The following TET2 variants were observed in gnomAD, a reference collection of about 807,000 sequenced individuals.
TET2 encodes the protein tet methylcytosine dioxygenase 2.
A neutral mutation model predicts 142.9 loss-of-function variants in TET2; 299 were observed. The observed-to-expected ratio is 2.09, with a 90% CI of 1.90 to 2.30. The LOEUF (loss-of-function observed/expected upper bound fraction) is 2.30, where lower values mean the gene tolerates loss of function less well. Ranked by LOEUF, TET2 falls within the 30% of genes most tolerant of loss-of-function variation. The probability of loss-of-function intolerance (pLI) is 0.00; values close to 1 mark genes in which losing one functional copy is unlikely to be tolerated. For missense variants in TET2, 2,418 were observed against 2,378.0 expected, an observed-to-expected ratio of 1.02 and a Z score of -0.35; for synonymous variants, 819 against 849.0, an observed-to-expected ratio of 0.96 and a Z score of 0.61.
At chr4:105,222,305 G>A (rs1196578361) in intron 2 of TET2, among the ~76,000 whole-genome samples, 4 of 152,176 alleles carry the variant, frequency 2.6e-5, no homozygotes, top group South Asian at 2.1e-4. Context: ...CTTCCACAAT[G>A]GTTGAACTAG....
At chr4:105,160,950 A>G (rs762434063) in intron 1 of TET2, among the ~76,000 whole-genome samples, 1 of 152,000 alleles carries the variant, frequency 6.6e-6, no homozygotes, top group Admixed American at 6.6e-5. Context: ...TAATTTTTGT[A>G]TTTTTAGTAG....
chr4:105,185,085 C>G (rs1269383498), intron 1 of TET2, among the ~76,000 whole-genome samples: 1 of 152,066 alleles, frequency 6.6e-6, no homozygotes, highest in Non-Finnish European at 1.5e-5. Context: ...ATTTAAACCC[C>G]AAATGGAGGA....
intron 1 of TET2, among the ~76,000 whole-genome samples, chr4:105,156,029 C>T (rs1474894420): frequency 6.6e-6 from 1 of 152,112 alleles, no homozygotes; most frequent in Non-Finnish European, 1.5e-5. Context: ...TACTTGTCTT[C>T]ACTCTCTCTT....
chr4:105,202,134 A>G (rs1726517265), intron 2 of TET2, among the ~76,000 whole-genome samples: 1 of 152,144 alleles, frequency 6.6e-6, no homozygotes, highest in Non-Finnish European at 1.5e-5. Flanking sequence ...ACCCATCCTC[A>G]TCTTCTTCCT....
intron 1 of TET2, among the ~76,000 whole-genome samples, chr4:105,151,019 A>G (rs1723271491): frequency 6.6e-6 from 1 of 152,258 alleles, no homozygotes; most frequent in African/African-American, 2.4e-5. Flanking sequence ...TTGGTTGTCC[A>G]TTCCAAATAA....
At chr4:105,231,078 T>C (rs750320302) in intron 2 of TET2, among the ~76,000 whole-genome samples, 13 of 152,132 alleles carry the variant, frequency 8.5e-5, no homozygotes, top group Admixed American at 5.2e-4. Context: ...TTTATTCCAT[T>C]GATCATATTA....
chr4:105,221,668 T>C (rs1727826927), intron 2 of TET2, among the ~76,000 whole-genome samples: 1 of 152,146 alleles, frequency 6.6e-6, no homozygotes, highest in African/African-American at 2.4e-5. Context: ...CTGAGGACTT[T>C]GACATATTTG....
intron 3 of TET2, 117 bp from the exon 4 acceptor site, chr4:105,241,222 A>T (rs552453188): frequency 7.4e-7 from 1 of 1,345,086 alleles, no homozygotes; most frequent in South Asian, 2.3e-5. Context: ...AGAAAAAAAA[A>T]TTTTAAAGTC....
At chr4:105,245,590 A>G (rs1448199423) in intron 6 of TET2, among the ~76,000 whole-genome samples, 1 of 152,288 alleles carries the variant, frequency 6.6e-6, no homozygotes, top group South Asian at 2.1e-4. Context: ...TCGGCCTCCC[A>G]GAGTGCTGGG....
intron 1 of TET2, among the ~76,000 whole-genome samples, chr4:105,178,483 A>G (rs917407589): frequency 2.6e-5 from 4 of 152,222 alleles, no homozygotes; most frequent in Non-Finnish European, 2.9e-5. Flanking sequence ...ATGTAATACT[A>G]TAGTGGTGGA....
intron 8 of TET2, among the ~76,000 whole-genome samples, chr4:105,266,056 T>A (rs1477504638): frequency 6.6e-6 from 1 of 152,118 alleles, no homozygotes; most frequent in Non-Finnish European, 1.5e-5. Flanking sequence ...TGATCCAGTC[T>A]TCAGCTGAGT....
In TET2 at chr4:105,236,859, T is replaced by TAA; in HGVS notation, c.2917_2918insAA (p.Cys973Ter). 6.2e-7 allele frequency: 1 copy of TAA among 1,614,084 alleles called. No individual in the cohort carries two copies. The highest frequency in any genetic ancestry group is 8.5e-7 in the Non-Finnish European group (1 of 1,179,998). Residue 973 changes from cysteine to a stop codon, truncating the protein, a stop_gained and frameshift_variant, in exon 3 of 11, where the codon TGC becomes TAAGC. Transcript: ENST00000380013. LOFTEE classifies it high-confidence loss of function. ...QQTQQPQTESCHSQMHRPIKV... is the reference protein window; with the variant it reads ...QQTQQPQTES ...AACACAGCAACCCCAAACTGAGTCTTGCCATAGTCAGATGCACAGGCCAAT... is the reference window on the plus strand; with the variant it reads ...AACACAGCAACCCCAAACTGAGTCTTAAGCCATAGTCAGATGCACAGGCCAAT...
chr4:105,234,829 G>A lies in TET2; in HGVS notation c.887G>A (p.Cys296Tyr). 6.2e-7 allele frequency: 1 copy of A among 1,614,010 alleles called. No individual in the cohort carries two copies. Among genetic ancestry groups the A allele is most frequent in the South Asian group, 1.1e-5 (1 of 91,076 alleles). ...PKPAAVVSEA[C>Y]DADDADNASK... ...CCAGCTGCAGTGGTGAGTGAGGCCT[G>A]TGATGCTGATGATGCTGATAATGCC... is the stretch of plus-strand genomic sequence containing the variant. The change falls in exon 3 of 11, where the codon TGT becomes TAT. Residue 296 changes from cysteine to tyrosine, a missense_variant. Coordinates refer to ENST00000380013, the MANE Select transcript of TET2 (RefSeq NM_001127208.3).
Position 105,278,187 on chromosome 4 carries a change from T to TATATATATAC in TET2, c.*1677_*1678insCATATATATA, listed in dbSNP as rs1345555676. ...AAATATATACATATATATATATATA[T>TATATATATAC]ATATATATATATATATGAGTTTGAA... On this transcript the variant is annotated 3_prime_UTR_variant, in exon 11 of 11. Coordinates refer to ENST00000380013, the MANE Select transcript of TET2 (RefSeq NM_001127208.3). 6.4e-6 allele frequency: 1 copy of TATATATATAC among 156,640 alleles called. No homozygotes were observed. The highest frequency in any genetic ancestry group is 2.6e-5 in the African/African-American group (1 of 37,924). The allele number at this position is 156,640 out of a possible 1,614,324, so 9.7% of individuals were successfully genotyped here. A position where few individuals can be genotyped will look rare whatever the true frequency, so the allele number is the denominator to read the frequency against.
At chr4:105,262,818 T>G (rs192066404) in intron 8 of TET2, among the ~76,000 whole-genome samples, 93 of 150,920 alleles carry the variant, frequency 6.2e-4, no homozygotes, top group African/African-American at 2.2e-3. Context: ...GAGGTGGAGG[T>G]TGCAGTGAGC....
At chr4:105,215,163 G>C (rs1394670090) in intron 2 of TET2, among the ~76,000 whole-genome samples, 1 of 152,114 alleles carries the variant, frequency 6.6e-6, no homozygotes, top group Non-Finnish European at 1.5e-5. Flanking sequence ...TGTGATGTGA[G>C]AGCAGAGGAA....
intron 2 of TET2, among the ~76,000 whole-genome samples, chr4:105,232,064 C>G (rs184601282): frequency 7.2e-5 from 11 of 152,224 alleles, no homozygotes; most frequent in African/African-American, 2.6e-4. Flanking sequence ...CTGTTGTTCC[C>G]CCTCTTTGTG....
At chr4:105,197,744 A>G (rs972391704) in intron 2 of TET2, among the ~76,000 whole-genome samples, 3 of 152,236 alleles carry the variant, frequency 2.0e-5, no homozygotes, top group Admixed American at 1.3e-4. Context: ...TTTCAAGTGT[A>G]TTTCATTTAG....
intron 1 of TET2, chr4:105,177,571 C>T (rs933337812): frequency 1.3e-5 from 2 of 152,152 alleles, no homozygotes; most frequent in Non-Finnish European, 2.9e-5. Context: ...ATTAAAACAA[C>T]AATGAGATAC....
Sources: allele counts gnomAD v4.1 joint callset (sites outside exome capture counted in the v4.1 genomes callset), GRCh38; gene constraint gnomAD v4.1.1; transcripts MANE v1.5; gene names NCBI Gene and HGNC (gene_info 2026-07-23, HGNC 2026-07-21).